RALYL: variants seen among roughly 807,000 people sequenced by gnomAD.
RALYL encodes the protein RALY RNA binding protein like, also known as RNA-binding Raly-like protein.
RALYL carries 29 observed loss-of-function variants against 35.1 expected under a neutral mutation model. That is an observed-to-expected ratio of 0.83 (90% CI 0.61 to 1.13). RALYL has a LOEUF of 1.13. Ranked by LOEUF, RALYL falls within the 50% of genes most tolerant of loss-of-function variation. The pLI, the probability that RALYL is intolerant of heterozygous loss-of-function variation, is 0.00. For synonymous variants in RALYL, 120 were observed against 127.6 expected (o/e 0.94, Z 0.40); for missense variants, 359 against 360.4 (o/e 1.00, Z 0.03).
intron 3 of RALYL, among the ~76,000 whole-genome samples, chr8:84,800,664 A>C (rs1012988950): frequency 1.3e-5 from 2 of 152,174 alleles, no homozygotes; most frequent in African/African-American, 2.4e-5. Flanking sequence ...TCCTTTCTTC[A>C]TGAAACAATT....
chr8:84,324,817 A>G (rs566616012), intron 1 of RALYL, among the ~76,000 whole-genome samples: 1 of 152,206 alleles, frequency 6.6e-6, no homozygotes, highest in South Asian at 2.1e-4. Context: ...TAGCTGGATT[A>G]TGAAGGTATT....
chr8:84,646,720 T>G (rs1827580534), intron 2 of RALYL, among the ~76,000 whole-genome samples: 1 of 151,980 alleles, frequency 6.6e-6, no homozygotes. Context: ...TTATTCCTTT[T>G]TGTTTTCTTT....
intron 1 of RALYL, among the ~76,000 whole-genome samples, chr8:84,280,809 A>G (rs1488592914): frequency 1.3e-5 from 2 of 151,506 alleles, no homozygotes; most frequent in Non-Finnish European, 2.9e-5. Flanking sequence ...AAGATGGTTA[A>G]ACTCTTCCCA....
chr8:84,754,384 T>C (rs1810864780), intron 2 of RALYL, among the ~76,000 whole-genome samples: 1 of 152,186 alleles, frequency 6.6e-6, no homozygotes. Context: ...GAGGAATCTG[T>C]CCTCTATACC....
chr8:84,638,530 G>GAAAT (rs1364209384), intron 2 of RALYL, among the ~76,000 whole-genome samples: 2 of 151,698 alleles, frequency 1.3e-5, no homozygotes, highest in Non-Finnish European at 2.9e-5. Context: ...CTTGTTCTTT[G>GAAAT]AAATAAATAA....
chr8:84,649,724 A>G (rs1027222042), intron 2 of RALYL, among the ~76,000 whole-genome samples: 4 of 152,038 alleles, frequency 2.6e-5, no homozygotes, highest in African/African-American at 9.7e-5. Context: ...TGATGCCTCC[A>G]GCTTTGTTCT....
chr8:84,470,881 G>A (rs1018664657), intron 1 of RALYL, among the ~76,000 whole-genome samples: 5 of 152,158 alleles, frequency 3.3e-5, no homozygotes, highest in African/African-American at 1.2e-4. Context: ...AGTATATAAA[G>A]CTTTGGTTGT....
At chr8:84,735,811 CGAGAGAGAGAGAGAGA>C (rs59842702) in intron 2 of RALYL, among the ~76,000 whole-genome samples, 2 of 111,310 alleles carry the variant, frequency 1.8e-5, no homozygotes, top group African/African-American at 3.1e-5. Flanking sequence ...ATCCAAACCG[CGAGAGAGAGAGAGAGA>C]GAGAGAGAGA....
In RALYL at chr8:84,818,628, A is replaced by G. The variant is rs538637385; in HGVS notation, c.365+13826A>G. 2.4e-4 allele frequency among the ~76,000 whole-genome samples: 37 copies of G among 152,292 alleles called. 1 individual carries two copies. The South Asian group carries it at 6.8e-3, about 28-fold the overall frequency. On this transcript the variant is annotated intron_variant, in intron 4 of 8. Coordinates refer to ENST00000521268, the MANE Select transcript of RALYL (RefSeq NM_173848.7). ...CTGTATTGAGAAATTATCCTAATAC[A>G]AGGAGCTTTCTGCTCATTCTGTGGG...
intron 1 of RALYL, among the ~76,000 whole-genome samples, chr8:84,407,018 CTATATATATA>C (rs5892918): frequency 6.8e-6 from 1 of 148,106 alleles, no homozygotes; most frequent in African/African-American, 2.5e-5. Context: ...CTCTCTCTCT[CTATATATATA>C]TATATATACA....
chr8:84,873,904 G>C (rs890821560), intron 7 of RALYL, among the ~76,000 whole-genome samples: 1 of 152,134 alleles, frequency 6.6e-6, no homozygotes, highest in African/African-American at 2.4e-5. Context: ...CACAGGCCAA[G>C]TTATTTGATC....
At chr8:84,688,431 T>C (rs577100133) in intron 2 of RALYL, among the ~76,000 whole-genome samples, 3 of 152,006 alleles carry the variant, frequency 2.0e-5, no homozygotes, top group Non-Finnish European at 4.4e-5. Flanking sequence ...CAACCACACA[T>C]ATGTGATCAA....
At chr8:84,198,139 A>G (rs1158705385) in intron 1 of RALYL, among the ~76,000 whole-genome samples, 1 of 152,186 alleles carries the variant, frequency 6.6e-6, no homozygotes, top group Non-Finnish European at 1.5e-5. Context: ...TTTCACTACA[A>G]TTCATGACAA....
intron 4 of RALYL, among the ~76,000 whole-genome samples, chr8:84,833,653 A>G: frequency 6.6e-6 from 1 of 151,726 alleles, no homozygotes; most frequent in East Asian, 1.9e-4. Context: ...AAAAAAAAAA[A>G]AAAAAGAAAG....
chr8:84,846,183 T>C (rs994421568), intron 4 of RALYL, among the ~76,000 whole-genome samples: 3 of 152,162 alleles, frequency 2.0e-5, no homozygotes, highest in African/African-American at 7.2e-5. Flanking sequence ...TAAAAAATGA[T>C]GTTGGTAGTT....
chr8:84,683,337 TTCTGTAGATG>T (rs201088537), intron 2 of RALYL, among the ~76,000 whole-genome samples: 2,307 of 152,072 alleles, frequency 0.015, 27 homozygotes, highest in Middle Eastern at 0.048. Context: ...GGGTGGAGAG[TTCTGTAGATG>T]TCTATTAGGT....
chr8:84,873,459 A>G, intron 7 of RALYL, 62 bp downstream of exon 7: 1 of 1,012,736 alleles, frequency 9.9e-7, no homozygotes, highest in South Asian at 1.4e-5. Context: ...TCAATCACAG[A>G]AGCAGTACAG....
intron 2 of RALYL, among the ~76,000 whole-genome samples, chr8:84,658,270 T>C (rs1830305466): frequency 6.6e-6 from 1 of 152,318 alleles, no homozygotes; most frequent in South Asian, 2.1e-4. Context: ...CATAAATCCC[T>C]GTCATATTCT....
At chr8:84,756,797 A>G (rs992852184) in intron 2 of RALYL, among the ~76,000 whole-genome samples, 10 of 151,808 alleles carry the variant, frequency 6.6e-5, no homozygotes, top group African/African-American at 2.4e-4. Context: ...TTTTATTAGC[A>G]GAACTAATTG....
Sources: gnomAD v4.1 joint callset for allele counts (sites outside exome capture counted in the v4.1 genomes callset) on GRCh38, gnomAD v4.1.1 for gene constraint, MANE v1.5 for transcripts, NCBI Gene and HGNC (gene_info 2026-07-23, HGNC 2026-07-21) for gene names.